VDAC1: variants seen among roughly 807,000 people sequenced by gnomAD.
The protein encoded by VDAC1 is non-selective voltage-gated ion channel VDAC1.
VDAC1 carries 10 observed loss-of-function variants against 34.7 expected under a neutral mutation model. The observed-to-expected ratio is 0.29, with a 90% CI of 0.18 to 0.49. The LOEUF is 0.49. Among genes scored for constraint, VDAC1 ranks in the 20% least tolerant of loss-of-function variants. VDAC1 has a pLI of 0.99. For missense variants in VDAC1, 230 were observed against 347.9 expected (o/e 0.66, Z 2.69); for synonymous variants, 130 against 136.0 (o/e 0.96, Z 0.30).
chr5:134,055,299 G>A, the VDAC1 span, among the ~76,000 whole-genome samples: 1 of 152,192 alleles, frequency 6.6e-6, no homozygotes, highest in Admixed American at 6.5e-5. Flanking sequence ...CTGAGGAAGG[G>A]GGGCATGGGA....
At chr5:133,985,162 TC>T (rs879078271) in intron 5 of VDAC1, among the ~76,000 whole-genome samples, 1 of 152,284 alleles carries the variant, frequency 6.6e-6, no homozygotes, top group Admixed American at 6.5e-5. Flanking sequence ...AATGTTTCTT[TC>T]TGAGAAACTG....
rs1390119885 is a variant in VDAC1 at position 133,972,321 on chromosome 5, C to A, written c.*450G>T. On this transcript the variant is annotated 3_prime_UTR_variant, in exon 9 of 9. Transcript: ENST00000265333. The stretch of plus-strand genomic sequence containing the variant: ...AGATGATGATGAACTGGGGTGGGAA[C>A]AGGTCATGAAGATCTGTCTAAAAAA... 2 of 308,502 alleles carry A rather than the reference C, an allele frequency of 6.5e-6. No homozygotes were observed. The highest frequency in any genetic ancestry group is 5.2e-5 in the East Asian group (1 of 19,384). The allele number at this position is 308,502 out of a possible 1,614,324, so 19.1% of individuals were successfully genotyped here. A position where few individuals can be genotyped will look rare whatever the true frequency, so the allele number is the denominator to read the frequency against.
chr5:134,010,737 G>GC, the VDAC1 span, among the ~76,000 whole-genome samples: 1 of 152,028 alleles, frequency 6.6e-6, no homozygotes, highest in Non-Finnish European at 1.5e-5. Flanking sequence ...TACAACAATG[G>GC]CCCCCCAAGG....
At chr5:134,104,543 A>G in the VDAC1 span, among the ~76,000 whole-genome samples, 1 of 152,188 alleles carries the variant, frequency 6.6e-6, no homozygotes, top group Non-Finnish European at 1.5e-5. Context: ...GGGGCCCCTC[A>G]GGCCTGCTGG....
chr5:134,000,854 A>G (rs1042002705), intron 1 of VDAC1, among the ~76,000 whole-genome samples: 11 of 152,194 alleles, frequency 7.2e-5, no homozygotes, highest in African/African-American at 2.7e-4. Flanking sequence ...ATGGCTGCTA[A>G]GCATGTTCAA....
At chr5:134,066,090 G>C in the VDAC1 span, among the ~76,000 whole-genome samples, 3 of 151,978 alleles carry the variant, frequency 2.0e-5, no homozygotes, top group East Asian at 5.8e-4. Context: ...ACCGCGCCTG[G>C]TCGATAGTAA....
chr5:134,113,752 C>G, the VDAC1 span, among the ~76,000 whole-genome samples: 1 of 152,236 alleles, frequency 6.6e-6, no homozygotes, highest in Non-Finnish European at 1.5e-5. Context: ...CAGGCACTTT[C>G]CCGCGCTCCG....
At chr5:134,020,725 G>A in the VDAC1 span, among the ~76,000 whole-genome samples, 4 of 152,024 alleles carry the variant, frequency 2.6e-5, no homozygotes, top group Non-Finnish European at 5.9e-5. Context: ...CACCCAGGCT[G>A]GAGTGCAGTG....
At chr5:133,997,490 G>C (rs964528134) in intron 1 of VDAC1, among the ~76,000 whole-genome samples, 6 of 150,544 alleles carry the variant, frequency 4.0e-5, no homozygotes, top group Admixed American at 4.0e-4. Flanking sequence ...TTCAGGCCAG[G>C]ACTTCCAGAT....
chr5:134,080,322 G>A, the VDAC1 span, among the ~76,000 whole-genome samples: 1 of 152,168 alleles, frequency 6.6e-6, no homozygotes, highest in Non-Finnish European at 1.5e-5. Flanking sequence ...GCCTGGGGTC[G>A]AGCCAGTGAG....
At chr5:134,097,282 ACTC>A in the VDAC1 span, among the ~76,000 whole-genome samples, 1 of 152,078 alleles carries the variant, frequency 6.6e-6, no homozygotes, top group Non-Finnish European at 1.5e-5. Flanking sequence ...TAAAAGAAAA[ACTC>A]CTCACTAAAT....
chr5:134,064,394 C>T, the VDAC1 span, among the ~76,000 whole-genome samples: 1 of 151,994 alleles, frequency 6.6e-6, no homozygotes, highest in African/African-American at 2.4e-5. Flanking sequence ...CAACCTCCGC[C>T]TCCTGGTGCA....
chr5:134,088,496 C>T, the VDAC1 span, among the ~76,000 whole-genome samples: 14 of 152,260 alleles, frequency 9.2e-5, no homozygotes, highest in African/African-American at 3.4e-4. Flanking sequence ...GGAGAGCATT[C>T]CAGGGGTACC....
At chr5:134,070,438 G>C in the VDAC1 span, among the ~76,000 whole-genome samples, 4 of 152,132 alleles carry the variant, frequency 2.6e-5, no homozygotes, top group East Asian at 1.9e-4. Flanking sequence ...GAGCCACCAC[G>C]CCTGGCTGAA....
At chr5:134,018,786 G>C in the VDAC1 span, among the ~76,000 whole-genome samples, 3 of 152,172 alleles carry the variant, frequency 2.0e-5, no homozygotes. Flanking sequence ...TTTGAGTCAA[G>C]CATGCTCAGC....
intron 1 of VDAC1, among the ~76,000 whole-genome samples, chr5:133,998,999 C>T (rs1354538432): frequency 6.6e-6 from 1 of 152,128 alleles, no homozygotes; most frequent in African/African-American, 2.4e-5. Context: ...CTCTTCTCTG[C>T]AGAGGCTCCC....
the VDAC1 span, among the ~76,000 whole-genome samples, chr5:134,025,636 C>T: frequency 6.6e-6 from 1 of 152,092 alleles, no homozygotes; most frequent in African/African-American, 2.4e-5. Context: ...GTCACCCAGG[C>T]TGGAGTGCAG....
At chr5:133,974,986 G>A (rs918588649) in intron 7 of VDAC1, among the ~76,000 whole-genome samples, 1 of 152,054 alleles carries the variant, frequency 6.6e-6, no homozygotes, top group African/African-American at 2.4e-5. Flanking sequence ...GAGATGATTG[G>A]CCAGGCATGG....
the VDAC1 span, among the ~76,000 whole-genome samples, chr5:134,044,442 G>C: frequency 2.0e-5 from 3 of 152,200 alleles, no homozygotes; most frequent in African/African-American, 7.2e-5. Context: ...TCCCCAGACA[G>C]CTAAGGGATT....
Sources: allele counts gnomAD v4.1 joint callset (sites outside exome capture counted in the v4.1 genomes callset), GRCh38; gene constraint gnomAD v4.1.1; transcripts MANE v1.5; gene names NCBI Gene and HGNC (gene_info 2026-07-23, HGNC 2026-07-21).